RBFOX1: variants seen among roughly 807,000 people sequenced by gnomAD.
RBFOX1 encodes RNA binding protein fox-1 homolog 1.
Under a neutral mutation model 57.7 loss-of-function variants are expected in RBFOX1, and 8 were observed. The ratio of observed to expected loss-of-function variants is 0.14; its 90% CI spans 0.08 to 0.25. RBFOX1 has a LOEUF of 0.25. Among genes scored for constraint, RBFOX1 ranks in the 10% least tolerant of loss-of-function variants. The pLI is 1.00. For missense variants in RBFOX1, 611 were observed against 548.5 expected (o/e 1.11, Z -1.14); for synonymous variants, 326 against 222.4 (o/e 1.47, Z -4.15).
At chr16:5,606,807 G>C (rs183016170) in intron 3 of RBFOX1, among the ~76,000 whole-genome samples, 269 of 148,734 alleles carry the variant, frequency 1.8e-3, no homozygotes, top group African/African-American at 6.8e-3. Flanking sequence ...TGCAGGAGAT[G>C]GGGGGCTCCA....
intron 4 of RBFOX1, among the ~76,000 whole-genome samples, chr16:7,391,085 C>T (rs900465411): frequency 1.3e-5 from 2 of 152,100 alleles, no homozygotes; most frequent in African/African-American, 2.4e-5. Flanking sequence ...AAGAACATAG[C>T]TCTTATCCTT....
rs1789675118 is a variant in RBFOX1, at chr16:6,578,000, G to A, written c.-63-76603G>A. ...AGGAAAGCACAGGTTTTGTGATGAA[G>A]GGTGTCACCCAACAGTGCTTATTTC... On this transcript the variant is annotated intron_variant, in intron 2 of 15. Transcript: ENST00000550418. Among the ~76,000 whole-genome samples the A allele has an allele frequency of 1.3e-5, 2 of 152,200 alleles. 1 individual carries two copies. The highest frequency in any genetic ancestry group is 2.9e-5 in the Non-Finnish European group (2 of 68,038).
At chr16:5,624,676 G>A (rs184952757) in intron 3 of RBFOX1, among the ~76,000 whole-genome samples, 4 of 152,304 alleles carry the variant, frequency 2.6e-5, no homozygotes, top group South Asian at 4.1e-4. Flanking sequence ...GCTGAAGGGC[G>A]CTCTCAGCTA....
At chr16:7,198,914 C>T (rs552708288) in intron 4 of RBFOX1, among the ~76,000 whole-genome samples, 168 of 152,252 alleles carry the variant, frequency 1.1e-3, no homozygotes, top group African/African-American at 3.9e-3. Context: ...CTGCCTTGTT[C>T]ACAGTTTGCT....
chr16:6,611,270 C>T (rs922623614), intron 2 of RBFOX1, among the ~76,000 whole-genome samples: 1 of 152,146 alleles, frequency 6.6e-6, no homozygotes, highest in Admixed American at 6.5e-5. Flanking sequence ...CCTCAGCCTC[C>T]CAAATAGCTG....
intron 3 of RBFOX1, among the ~76,000 whole-genome samples, chr16:5,714,910 C>A (rs1342519081): frequency 6.6e-6 from 1 of 152,148 alleles, no homozygotes; most frequent in East Asian, 1.9e-4. Flanking sequence ...AACACAGAGG[C>A]AAGCATAGAG....
intron 4 of RBFOX1, among the ~76,000 whole-genome samples, chr16:7,210,086 C>A (rs1198527287): frequency 1.3e-5 from 2 of 152,178 alleles, no homozygotes; most frequent in Admixed American, 6.5e-5. Context: ...TGAAGTGCAT[C>A]TTTGCAGTGT....
chr16:7,145,047 G>A (rs910324668), intron 4 of RBFOX1, among the ~76,000 whole-genome samples: 7 of 152,144 alleles, frequency 4.6e-5, no homozygotes, highest in Non-Finnish European at 8.8e-5. Flanking sequence ...ATCCTAGCCG[G>A]ATGTGACTGG....
intron 1 of RBFOX1, among the ~76,000 whole-genome samples, chr16:5,457,701 C>G (rs972180221): frequency 1.3e-5 from 2 of 152,234 alleles, no homozygotes; most frequent in African/African-American, 4.8e-5. Context: ...GGACAATGCA[C>G]CCACCCCTGT....
intron 1 of RBFOX1, among the ~76,000 whole-genome samples, chr16:6,155,037 A>T (rs1213744012): frequency 6.6e-6 from 1 of 152,196 alleles, no homozygotes; most frequent in African/African-American, 2.4e-5. Flanking sequence ...AATTATATAA[A>T]TTTTTATTGG....
intron 3 of RBFOX1, among the ~76,000 whole-genome samples, chr16:5,790,456 G>A (rs11859762): frequency 0.34 from 50,985 of 148,996 alleles, 9,418 homozygotes; most frequent in East Asian, 0.54. Flanking sequence ...CTCAAAGGAA[G>A]AAAAAATTGC....
chr16:6,836,759 C>A (rs1440151025), intron 3 of RBFOX1, among the ~76,000 whole-genome samples: 1 of 152,068 alleles, frequency 6.6e-6, no homozygotes, highest in African/African-American at 2.4e-5. Flanking sequence ...AGTATAACAC[C>A]AGTTCATTAC....
At chr16:7,471,957 A>G (rs923138256) in intron 4 of RBFOX1, among the ~76,000 whole-genome samples, 39 of 152,166 alleles carry the variant, frequency 2.6e-4, no homozygotes, top group African/African-American at 8.0e-4. Context: ...GAAGCTGACA[A>G]AAAAGGTGCT....
chr16:6,495,185 C>T (rs527893317), intron 2 of RBFOX1, among the ~76,000 whole-genome samples: 1 of 152,130 alleles, frequency 6.6e-6, no homozygotes, highest in Non-Finnish European at 1.5e-5. Context: ...GTGGTGGAAT[C>T]TCGGCTCATT....
chr16:6,335,417 A>G (rs2083507491), intron 2 of RBFOX1, among the ~76,000 whole-genome samples: 1 of 152,164 alleles, frequency 6.6e-6, no homozygotes. Flanking sequence ...TGCTATTGGT[A>G]AATATACCTA....
chr16:5,942,464 C>G (rs548400939), intron 4 of RBFOX1, among the ~76,000 whole-genome samples: 8 of 152,236 alleles, frequency 5.3e-5, no homozygotes, highest in South Asian at 2.1e-4. Context: ...TTCGACCAAT[C>G]TTAGGTTCTA....
chr16:5,693,745 G>A (rs1205355238), intron 3 of RBFOX1, among the ~76,000 whole-genome samples: 1 of 152,154 alleles, frequency 6.6e-6, no homozygotes, highest in Non-Finnish European at 1.5e-5. Flanking sequence ...CCAAGATCAA[G>A]CCTGGCTATG....
At chr16:5,846,281 A>G (rs935175808) in intron 3 of RBFOX1, among the ~76,000 whole-genome samples, 1 of 152,146 alleles carries the variant, frequency 6.6e-6, no homozygotes, top group African/African-American at 2.4e-5. Flanking sequence ...TGATGAAAGA[A>G]GAGAGTGGAG....
intron 3 of RBFOX1, among the ~76,000 whole-genome samples, chr16:5,856,204 TATAC>T (rs1293516593): frequency 4.5e-5 from 2 of 44,880 alleles, no homozygotes; most frequent in African/African-American, 1.3e-4. Flanking sequence ...TATATATATA[TATAC>T]ATATATATGT....
Sources: allele counts gnomAD v4.1 joint callset (sites outside exome capture counted in the v4.1 genomes callset), GRCh38; gene constraint gnomAD v4.1.1; transcripts MANE v1.5; gene names NCBI Gene and HGNC (gene_info 2026-07-23, HGNC 2026-07-21).